Variants in TENM3 observed in about 807,000 individuals in gnomAD.
The protein encoded by TENM3 is teneurin transmembrane protein 3.
In TENM3, 63 loss-of-function variants were observed where a neutral mutation model predicts 255.1. That is an observed-to-expected ratio of 0.25 (90% CI 0.20 to 0.30). TENM3 has a LOEUF of 0.30. Ranked by LOEUF, TENM3 falls within the 10% of genes least tolerant of loss-of-function variation. TENM3 has a pLI of 1.00. For missense variants in TENM3, 2,929 were observed against 3,461.1 expected (o/e 0.85, Z 3.86); for synonymous variants, 1,306 against 1,322.3 (o/e 0.99, Z 0.27).
chr4:181,552,410 ATTG>A, the TENM3 span, among the ~76,000 whole-genome samples: 1 of 152,114 alleles, frequency 6.6e-6, no homozygotes, highest in African/African-American at 2.4e-5. Context: ...CCATTTCTTT[ATTG>A]TTTAGAAAGT....
chr4:182,669,425 A>T (rs1416186379), intron 6 of TENM3, among the ~76,000 whole-genome samples: 1 of 151,780 alleles, frequency 6.6e-6, no homozygotes, highest in Non-Finnish European at 1.5e-5. Context: ...GCCCGCCACC[A>T]CACCGGGCTA....
chr4:182,432,790 C>A (rs1391034893), intron 3 of TENM3, among the ~76,000 whole-genome samples: 1 of 147,844 alleles, frequency 6.8e-6, no homozygotes, highest in Non-Finnish European at 1.5e-5. Flanking sequence ...TGGATGTTAT[C>A]CCAATGGCAC....
At chr4:182,586,056 C>A (rs1745991974) in intron 3 of TENM3, among the ~76,000 whole-genome samples, 1 of 152,132 alleles carries the variant, frequency 6.6e-6, no homozygotes, top group Admixed American at 6.5e-5. Flanking sequence ...AAATGTGGGA[C>A]CATGTGGGGC....
the TENM3 span, among the ~76,000 whole-genome samples, chr4:181,749,323 G>A: frequency 6.6e-6 from 1 of 151,928 alleles, no homozygotes; most frequent in African/African-American, 2.4e-5. Context: ...GCAAGGGTGG[G>A]GCAATTTTAC....
intron 3 of TENM3, among the ~76,000 whole-genome samples, chr4:182,442,978 C>G (rs1772628328): frequency 6.6e-6 from 1 of 151,896 alleles, no homozygotes; most frequent in Non-Finnish European, 1.5e-5. Context: ...ATCATCTCAG[C>G]CTTCCAAAGT....
the TENM3 span, among the ~76,000 whole-genome samples, chr4:182,087,652 T>C: frequency 1.3e-5 from 2 of 150,688 alleles, no homozygotes; most frequent in African/African-American, 4.9e-5. Flanking sequence ...TTAGTATAGA[T>C]GGATCGACAT....
At chr4:181,556,821 T>A in the TENM3 span, among the ~76,000 whole-genome samples, 1 of 152,212 alleles carries the variant, frequency 6.6e-6, no homozygotes, top group Non-Finnish European at 1.5e-5. Flanking sequence ...TTGCATTGTC[T>A]TCATTTTTAT....
chr4:182,184,820 C>T (rs2149756322), intron 1 of TENM3, among the ~76,000 whole-genome samples: 1 of 152,210 alleles, frequency 6.6e-6, no homozygotes, highest in Admixed American at 6.5e-5. Flanking sequence ...GGCGTGGTGG[C>T]TCACACCTGT....
the TENM3 span, among the ~76,000 whole-genome samples, chr4:181,904,893 T>C: frequency 6.6e-6 from 1 of 152,172 alleles, no homozygotes; most frequent in African/African-American, 2.4e-5. Context: ...GCTGTTCTCA[T>C]GATAGCGAAT....
the TENM3 span, among the ~76,000 whole-genome samples, chr4:181,913,702 G>A: frequency 6.6e-6 from 1 of 152,036 alleles, no homozygotes; most frequent in Non-Finnish European, 1.5e-5. Flanking sequence ...GGGCAAGGAG[G>A]GTAAGGAACG....
At chr4:182,614,460 A>AG (rs2152436550) in intron 4 of TENM3, among the ~76,000 whole-genome samples, 2 of 152,294 alleles carry the variant, frequency 1.3e-5, no homozygotes, top group South Asian at 4.1e-4. Context: ...AGGAAAAATA[A>AG]TGAATTTTAG....
the TENM3 span, among the ~76,000 whole-genome samples, chr4:181,627,163 G>A: frequency 5.9e-5 from 9 of 152,052 alleles, no homozygotes; most frequent in Admixed American, 5.9e-4. Context: ...TACAAATTGG[G>A]GTGTTTTCAC....
intron 3 of TENM3, among the ~76,000 whole-genome samples, chr4:182,517,263 C>T (rs1738064819): frequency 6.6e-6 from 1 of 152,000 alleles, no homozygotes; most frequent in Admixed American, 6.6e-5. Context: ...AGGGAAAAGG[C>T]TTCTGAAGTG....
intron 1 of TENM3, among the ~76,000 whole-genome samples, chr4:182,163,169 T>TC (rs2149656748): frequency 6.6e-6 from 1 of 152,282 alleles, no homozygotes; most frequent in East Asian, 1.9e-4. Flanking sequence ...ACTGGCAGTT[T>TC]CCTCTCTAGG....
the TENM3 span, among the ~76,000 whole-genome samples, chr4:181,989,048 T>C: frequency 6.6e-6 from 1 of 152,110 alleles, no homozygotes; most frequent in Admixed American, 6.6e-5. Flanking sequence ...GACCCCCAAA[T>C]ATCTTATATT....
the TENM3 span, among the ~76,000 whole-genome samples, chr4:182,038,804 A>C: frequency 2.0e-5 from 3 of 151,968 alleles, no homozygotes; most frequent in Non-Finnish European, 4.4e-5. Flanking sequence ...CGCAATCTTG[A>C]CTCACTGCAA....
At chr4:181,534,424 T>C in the TENM3 span, among the ~76,000 whole-genome samples, 1 of 152,002 alleles carries the variant, frequency 6.6e-6, no homozygotes, top group African/African-American at 2.4e-5. Context: ...CCTTTGGTGG[T>C]CATGTTGTCT....
chr4:181,918,767 A>T, the TENM3 span, among the ~76,000 whole-genome samples: 1 of 152,168 alleles, frequency 6.6e-6, no homozygotes, highest in African/African-American at 2.4e-5. Context: ...TCATGTATAT[A>T]TTTATATTCC....
chr4:181,791,210 G>A, the TENM3 span, among the ~76,000 whole-genome samples: 1 of 152,176 alleles, frequency 6.6e-6, no homozygotes, highest in South Asian at 2.1e-4. Context: ...CACGGGCCGT[G>A]CAGCTACTCA....
Sources: gnomAD v4.1 joint callset for allele counts (sites outside exome capture counted in the v4.1 genomes callset) on GRCh38, gnomAD v4.1.1 for gene constraint, MANE v1.5 for transcripts, NCBI Gene and HGNC (gene_info 2026-07-23, HGNC 2026-07-21) for gene names.